Variants in ATRNL1 observed in about 807,000 individuals in gnomAD.
The protein encoded by ATRNL1 is attractin-like protein 1.
ATRNL1 carries 95 observed loss-of-function variants against 182.7 expected under a neutral mutation model. The ratio of observed to expected loss-of-function variants is 0.52; its 90% CI spans 0.44 to 0.62. The LOEUF is 0.62. Among genes scored for constraint, ATRNL1 ranks in the 20% least tolerant of loss-of-function variants. ATRNL1 has a pLI of 0.00. For synonymous variants in ATRNL1, 576 were observed against 568.3 expected (o/e 1.01, Z -0.19); for missense variants, 1,471 against 1,679.5 (o/e 0.88, Z 2.17).
At chr10:115,856,428 C>CAACAAAAAAAAAAAAA in intron 28 of ATRNL1, among the ~76,000 whole-genome samples, 1 of 22,536 alleles carries the variant, frequency 4.4e-5, no homozygotes, top group Non-Finnish European at 8.2e-5. Flanking sequence ...AGCTCCATCT[C>CAACAAAAAAAAAAAAA]AAAAAAAAAA....
intron 27 of ATRNL1, among the ~76,000 whole-genome samples, chr10:115,732,800 T>C (rs1003541020): frequency 1.3e-5 from 2 of 152,146 alleles, no homozygotes; most frequent in Non-Finnish European, 2.9e-5. Flanking sequence ...AATATATCTA[T>C]AGAATTTTTT....
intron 20 of ATRNL1, among the ~76,000 whole-genome samples, chr10:115,421,099 T>C (rs1184428099): frequency 6.6e-6 from 1 of 152,182 alleles, no homozygotes; most frequent in Non-Finnish European, 1.5e-5. Context: ...GCTTCATTGC[T>C]AAATTCTAGC....
At chr10:115,515,544 A>G (rs2098002512) in intron 24 of ATRNL1, among the ~76,000 whole-genome samples, 1 of 151,722 alleles carries the variant, frequency 6.6e-6, no homozygotes, top group African/African-American at 2.4e-5. Flanking sequence ...AAAAGCTACC[A>G]TTTAGATTTT....
chr10:115,485,283 ATTTC>A (rs1181593397), intron 24 of ATRNL1, among the ~76,000 whole-genome samples: 5 of 151,858 alleles, frequency 3.3e-5, no homozygotes, highest in African/African-American at 1.2e-4. Flanking sequence ...TTGTAGAGTA[ATTTC>A]TTTATAACTT....
intron 27 of ATRNL1, among the ~76,000 whole-genome samples, chr10:115,772,842 C>T (rs1555076791): frequency 1.3e-5 from 2 of 152,036 alleles, no homozygotes; most frequent in Non-Finnish European, 2.9e-5. Flanking sequence ...CTAAATCAGA[C>T]CTGCATGATT....
At chr10:115,617,687 A>G (rs1401735844) in intron 26 of ATRNL1, among the ~76,000 whole-genome samples, 1 of 152,184 alleles carries the variant, frequency 6.6e-6, no homozygotes, top group Non-Finnish European at 1.5e-5. Context: ...TTACACACTC[A>G]TAGGCATAAG....
At chr10:115,915,435 G>C (rs1216312414) in intron 28 of ATRNL1, among the ~76,000 whole-genome samples, 3 of 151,876 alleles carry the variant, frequency 2.0e-5, no homozygotes, top group Non-Finnish European at 2.9e-5. Flanking sequence ...TTACAATGAA[G>C]CCAAGTGCTA....
chr10:115,413,673 C>A (rs1845250226), intron 20 of ATRNL1, among the ~76,000 whole-genome samples: 1 of 152,010 alleles, frequency 6.6e-6, no homozygotes, highest in African/African-American at 2.4e-5. Context: ...TGTGACACAC[C>A]TATCATTTTG....
intron 20 of ATRNL1, among the ~76,000 whole-genome samples, chr10:115,424,972 C>T (rs556260974): frequency 1.6e-4 from 25 of 152,084 alleles, no homozygotes; most frequent in Non-Finnish European, 3.1e-4. Context: ...GAAAACCTAA[C>T]ACCCAAAGTT....
At chr10:115,391,933 A>G (rs1389092513) in intron 19 of ATRNL1, among the ~76,000 whole-genome samples, 2 of 152,096 alleles carry the variant, frequency 1.3e-5, no homozygotes, top group African/African-American at 4.8e-5. Context: ...TCATTTGCTA[A>G]TGGCAAGTTA....
At chr10:115,793,669 A>T (rs1949582866) in intron 27 of ATRNL1, among the ~76,000 whole-genome samples, 1 of 152,150 alleles carries the variant, frequency 6.6e-6, no homozygotes, top group African/African-American at 2.4e-5. Context: ...TTGGCAATTG[A>T]TTCATTCATC....
chr10:115,417,494 C>G (rs147077036), intron 20 of ATRNL1, among the ~76,000 whole-genome samples: 26 of 152,312 alleles, frequency 1.7e-4, no homozygotes, highest in African/African-American at 5.8e-4. Context: ...CCAGCTCCCC[C>G]CACTGTAGTC....
rs201703165 is a variant in ATRNL1 at position 115,477,858 on chromosome 10, TTTAA to T, written c.3654+8535_3654+8538del. On this transcript the variant is annotated intron_variant, in intron 24 of 28. Coordinates refer to ENST00000355044, the MANE Select transcript of ATRNL1 (RefSeq NM_207303.4). ...TCAGTTATTGTGATTCTTAAAAATA[TTTAA>T]TTAATCTGCTGCAAAGTGAATTATA... Among the ~76,000 whole-genome samples the T allele has an allele frequency of 1.0e-3, 153 of 151,786 alleles. 1 individual carries two copies. In the East Asian group the frequency reaches 0.012, roughly 12 times the overall value.
intron 28 of ATRNL1, among the ~76,000 whole-genome samples, chr10:115,884,441 A>AAAC (rs1248636236): frequency 1.3e-5 from 2 of 152,218 alleles, no homozygotes; most frequent in Non-Finnish European, 2.9e-5. Context: ...GATTCTCAGC[A>AAAC]AACAACAACA....
At chr10:115,153,692 G>A (rs1018989237) in intron 5 of ATRNL1, among the ~76,000 whole-genome samples, 6 of 151,664 alleles carry the variant, frequency 4.0e-5, no homozygotes, top group African/African-American at 1.2e-4. Flanking sequence ...TGATTTTTTT[G>A]AAGGGTTTTT....
chr10:115,589,183 A>G (rs770690792), intron 26 of ATRNL1, among the ~76,000 whole-genome samples: 3 of 152,192 alleles, frequency 2.0e-5, no homozygotes, highest in Non-Finnish European at 4.4e-5. Flanking sequence ...GTATTCAGAT[A>G]TTTTTGAATA....
chr10:115,446,117 AT>A (rs1175672478), intron 21 of ATRNL1, among the ~76,000 whole-genome samples: 2 of 151,884 alleles, frequency 1.3e-5, no homozygotes, highest in South Asian at 2.1e-4. Context: ...TCATCAACAG[AT>A]TTTTTTCTTT....
chr10:115,731,817 C>T (rs1947806311), intron 27 of ATRNL1, among the ~76,000 whole-genome samples: 1 of 143,336 alleles, frequency 7.0e-6, no homozygotes, highest in Non-Finnish European at 1.5e-5. Flanking sequence ...GCCCCTGCCC[C>T]CCCACCCCAC....
intron 26 of ATRNL1, among the ~76,000 whole-genome samples, chr10:115,649,337 G>T (rs1409987754): frequency 1.3e-5 from 2 of 152,084 alleles, no homozygotes; most frequent in Non-Finnish European, 2.9e-5. Context: ...TTGAAATACT[G>T]CACTAATTAA....
Sources: gnomAD v4.1 joint callset for allele counts (sites outside exome capture counted in the v4.1 genomes callset) on GRCh38, gnomAD v4.1.1 for gene constraint, MANE v1.5 for transcripts, NCBI Gene and HGNC (gene_info 2026-07-23, HGNC 2026-07-21) for gene names.